THSD4: variants seen among roughly 807,000 people sequenced by gnomAD.
THSD4 encodes the protein thrombospondin type-1 domain-containing protein 4.
In THSD4, 69 loss-of-function variants were observed where a neutral mutation model predicts 119.0. That is an observed-to-expected ratio of 0.58 (90% CI 0.48 to 0.71). The LOEUF (loss-of-function observed/expected upper bound fraction) is 0.71, where lower values mean the gene tolerates loss of function less well. Among genes scored for constraint, THSD4 ranks in the 30% least tolerant of loss-of-function variants. THSD4 has a pLI of 0.00. For synonymous variants in THSD4, 524 were observed against 540.4 expected, an observed-to-expected ratio of 0.97 and a Z score of 0.42; for missense variants, 1,393 against 1,391.1, an observed-to-expected ratio of 1.00 and a Z score of -0.02.
intron 7 of THSD4, among the ~76,000 whole-genome samples, chr15:71,596,110 C>T (rs4777413): frequency 0.91 from 139,050 of 152,272 alleles, 64,888 homozygotes; most frequent in East Asian, 1. Flanking sequence ...CTTGTTTGTG[C>T]TTTTATCTTG....
At chr15:71,747,175 C>A in intron 13 of THSD4, 133 bp downstream of exon 13, 1 of 1,082,214 alleles carries the variant, frequency 9.2e-7, no homozygotes, top group Non-Finnish European at 1.3e-6. Flanking sequence ...GGGGTCTGGA[C>A]GGCTGTTTTT....
chr15:71,167,416 C>G (rs1206363050), intron 3 of THSD4, among the ~76,000 whole-genome samples: 1 of 152,178 alleles, frequency 6.6e-6, no homozygotes, highest in Non-Finnish European at 1.5e-5. Context: ...CTAGATTTGG[C>G]CCATGGGGCA....
intron 6 of THSD4, among the ~76,000 whole-genome samples, chr15:71,398,807 C>T (rs2140481231): frequency 6.6e-6 from 1 of 152,208 alleles, no homozygotes; most frequent in South Asian, 2.1e-4. Flanking sequence ...AGGTTTCATG[C>T]AGCTGATGGG....
chr15:71,609,616 G>T (rs549048145), intron 7 of THSD4, among the ~76,000 whole-genome samples: 1 of 152,304 alleles, frequency 6.6e-6, no homozygotes, highest in South Asian at 2.1e-4. Context: ...ACTTTGGGAG[G>T]CCGAGGCGGG....
intron 1 of THSD4, among the ~76,000 whole-genome samples, chr15:71,102,528 T>C (rs7163202): frequency 0.22 from 33,219 of 152,126 alleles, 4,608 homozygotes; most frequent in African/African-American, 0.4. Context: ...CTTCTCTTTT[T>C]CTGTTCTAAT....
chr15:71,111,018 TA>T, upstream of THSD4: 1 of 1,012,152 alleles, frequency 9.9e-7, no homozygotes, highest in Non-Finnish European at 1.4e-6. Flanking sequence ...CTGCATGTCC[TA>T]AGGAGAAGCA....
At chr15:71,556,844 G>A (rs2049026200) in intron 7 of THSD4, among the ~76,000 whole-genome samples, 1 of 151,150 alleles carries the variant, frequency 6.6e-6, no homozygotes, top group South Asian at 2.1e-4. Context: ...GTTTTATGTA[G>A]GAACTTTTGT....
At chr15:71,274,025 C>T (rs893075521) in intron 6 of THSD4, among the ~76,000 whole-genome samples, 11 of 152,312 alleles carry the variant, frequency 7.2e-5, no homozygotes, top group African/African-American at 2.6e-4. Flanking sequence ...GAGTCAAAGT[C>T]CTGGTAACAA....
At chr15:71,098,564 C>T (rs2040241605) in intron 1 of THSD4, among the ~76,000 whole-genome samples, 1 of 151,906 alleles carries the variant, frequency 6.6e-6, no homozygotes, top group African/African-American at 2.4e-5. Context: ...GCACCTGGCC[C>T]CACATTTTTT....
chr15:71,119,606 G>A (rs1382593511), intron 1 of THSD4, among the ~76,000 whole-genome samples: 1 of 152,158 alleles, frequency 6.6e-6, no homozygotes, highest in Non-Finnish European at 1.5e-5. Context: ...CAGCTTACTC[G>A]AAGGCATGTA....
At chr15:71,627,678 T>C (rs563084878) in intron 7 of THSD4, among the ~76,000 whole-genome samples, 1 of 152,274 alleles carries the variant, frequency 6.6e-6, no homozygotes, top group Admixed American at 6.5e-5. Flanking sequence ...AGAATCCCCA[T>C]GGAATGAGAA....
chr15:71,748,737 G>A (rs1356222700), intron 14 of THSD4, 143 bp downstream of exon 14: 55 of 1,062,744 alleles, frequency 5.2e-5, no homozygotes, highest in African/African-American at 4.8e-5. Flanking sequence ...AGGAATTATC[G>A]TAGGCTTTCT....
chr15:71,770,368 A>T (rs903366330), intron 16 of THSD4, among the ~76,000 whole-genome samples: 7 of 124,384 alleles, frequency 5.6e-5, no homozygotes, highest in African/African-American at 2.1e-4. Flanking sequence ...AAAAAAAAAA[A>T]TCTTGGCTGG....
rs1238452120 is a variant in THSD4 at position 71,618,951 on chromosome 15, T to C, written c.1153-41579T>C. On this transcript the variant is annotated intron_variant, in intron 7 of 17. Transcript: ENST00000261862. ...TTAAACAAAAGTAACAAAAACTTAA[T>C]TTGGTGGATACTTGAATATTCTTTT... is the stretch of plus-strand genomic sequence containing the variant. Among the ~76,000 whole-genome samples, 107 of 151,980 alleles carry C rather than the reference T, an allele frequency of 7.0e-4. 1 individual carries two copies. Among genetic ancestry groups the C allele is most frequent in the Non-Finnish European group, 1.3e-4 (9 of 67,996 alleles).
intron 1 of THSD4, among the ~76,000 whole-genome samples, chr15:71,116,540 A>C (rs138895242): frequency 6.6e-6 from 1 of 152,166 alleles, no homozygotes; most frequent in Non-Finnish European, 1.5e-5. Context: ...CGTCTTACTA[A>C]AAGTGCATGC....
At chr15:71,321,527 T>C (rs1347437773) in intron 6 of THSD4, among the ~76,000 whole-genome samples, 2 of 152,158 alleles carry the variant, frequency 1.3e-5, no homozygotes, top group Non-Finnish European at 2.9e-5. Flanking sequence ...CAGAGCGAGA[T>C]TCCGTCTCCA....
chr15:71,099,391 G>T (rs1394543636), intron 1 of THSD4, among the ~76,000 whole-genome samples: 1 of 152,106 alleles, frequency 6.6e-6, no homozygotes, highest in Non-Finnish European at 1.5e-5. Flanking sequence ...AACTTTATGG[G>T]CTTGTCATTT....
chr15:71,525,954 G>A (rs984518753), intron 7 of THSD4, among the ~76,000 whole-genome samples: 1 of 152,088 alleles, frequency 6.6e-6, no homozygotes. Flanking sequence ...CCCGACACAC[G>A]CAGACACTCA....
intron 7 of THSD4, among the ~76,000 whole-genome samples, chr15:71,484,015 A>G (rs2047776244): frequency 6.6e-6 from 1 of 152,196 alleles, no homozygotes. Context: ...AACAAGTGAG[A>G]AAATACTCTA....
Sources: allele counts gnomAD v4.1 joint callset (sites outside exome capture counted in the v4.1 genomes callset), GRCh38; gene constraint gnomAD v4.1.1; transcripts MANE v1.5; gene names NCBI Gene and HGNC (gene_info 2026-07-23, HGNC 2026-07-21).